Variants in DHX36 observed in about 807,000 individuals in gnomAD.
DHX36 encodes the protein ATP-dependent DNA/RNA helicase DHX36.
In DHX36, 50 loss-of-function variants were observed where a neutral mutation model predicts 139.0. The ratio of observed to expected loss-of-function variants is 0.36; its 90% CI spans 0.29 to 0.46. DHX36 has a LOEUF of 0.46. Among genes scored for constraint, DHX36 ranks in the 20% least tolerant of loss-of-function variants. DHX36 has a pLI of 1.00. For synonymous variants in DHX36, 425 were observed against 401.9 expected (o/e 1.06, Z -0.69); for missense variants, 1,024 against 1,211.3 (o/e 0.85, Z 2.29).
intron 24 of DHX36, 162 bp downstream of exon 24, chr3:154,276,585 C>T (rs1195716055): frequency 1.1e-6 from 1 of 873,580 alleles, no homozygotes; most frequent in Non-Finnish European, 1.7e-6. Flanking sequence ...TCTGTTACCA[C>T]CTCAAAACAC....
intron 1 of DHX36, among the ~76,000 whole-genome samples, chr3:154,321,591 A>G (rs1713186926): frequency 6.6e-6 from 1 of 152,222 alleles, no homozygotes; most frequent in South Asian, 2.1e-4. Flanking sequence ...AGTGCTTAAG[A>G]TACTGTCACA....
chr3:154,293,367 G>A (rs1711900395), intron 14 of DHX36, among the ~76,000 whole-genome samples: 1 of 152,150 alleles, frequency 6.6e-6, no homozygotes, highest in Non-Finnish European at 1.5e-5. Flanking sequence ...ATCATTTTGA[G>A]CCCAGGAGTT....
At chr3:154,288,147 CAA>C (rs34632439) in intron 17 of DHX36, among the ~76,000 whole-genome samples, 15 of 53,362 alleles carry the variant, frequency 2.8e-4, no homozygotes, top group Admixed American at 1.2e-3. Context: ...GACTCTGTCT[CAA>C]AAAAAAAAAA....
Position 154,284,575 on chromosome 3 carries a change from T to C in DHX36, c.2292+8A>G. On this transcript the variant is annotated splice_region_variant and intron_variant, in intron 19 of 24. Coordinates refer to ENST00000496811, the MANE Select transcript of DHX36 (RefSeq NM_020865.3). ...ATCATAATCCAGGACAAAATTTTTTTTTTTTACCTCAAACGCATTCACAAC... is the reference window on the plus strand; with the variant it reads ...ATCATAATCCAGGACAAAATTTTTTCTTTTTACCTCAAACGCATTCACAAC... 6.3e-7 allele frequency: 1 copy of C among 1,590,256 alleles called. No homozygotes were observed. The highest frequency in any genetic ancestry group is 8.5e-7 in the Non-Finnish European group (1 of 1,171,452).
In DHX36 at chr3:154,273,201, A is replaced by G. The variant is rs903583724; in HGVS notation, c.*2970T>C. 1 of 152,114 alleles carries G rather than the reference A, an allele frequency of 6.6e-6. No homozygotes were observed. The highest frequency in any genetic ancestry group is 2.4e-5 in the African/African-American group (1 of 41,418). 9.4% of individuals were successfully genotyped at this position (152,114 alleles called of 1,614,324 possible). On this transcript the variant is annotated 3_prime_UTR_variant, in exon 25 of 25. Transcript: ENST00000496811. ...CAAACAGTTCTTAGACCTGGAATGT[A>G]TTTTCTACTCAGTAATGCCCTATTT...
At chr3:154,306,673 T>C (rs1712513181) in intron 5 of DHX36, among the ~76,000 whole-genome samples, 1 of 152,178 alleles carries the variant, frequency 6.6e-6, no homozygotes, top group Admixed American at 6.5e-5. Context: ...TGTTTTTGTT[T>C]GTGGTAGGGA....
chr3:154,322,859 C>T (rs1026017717), intron 1 of DHX36, among the ~76,000 whole-genome samples: 4 of 152,178 alleles, frequency 2.6e-5, no homozygotes, highest in Admixed American at 6.5e-5. Context: ...GTTACTTAGA[C>T]GTCCGTATCC....
chr3:154,316,735 A>C (rs1305623630), intron 1 of DHX36, among the ~76,000 whole-genome samples: 1 of 152,014 alleles, frequency 6.6e-6, no homozygotes, highest in Non-Finnish European at 1.5e-5. Flanking sequence ...GACTGGACAA[A>C]TATAAAGGTC....
rs375447310 is a variant in DHX36 at position 154,284,927 on chromosome 3, C to T, written c.2092G>A (p.Val698Ile). The change falls in exon 18 of 25, where the codon GTT becomes ATT. Residue 698 changes from valine to isoleucine, a missense_variant. By Grantham distance (29) the Val-to-Ile change is conservative. Transcript: ENST00000496811. ...ATCATTTTTCCAATATGTGGCTCAACGGGTAATCGTGCCAAGTGGACTCCA... is the reference window on the plus strand; with the variant it reads ...ATCATTTTTCCAATATGTGGCTCAATGGGTAATCGTGCCAAGTGGACTCCA... ...PLGVHLARLP[V>I]EPHIGKMILF... The T allele has an allele frequency of 3.1e-6, 5 of 1,614,000 alleles. No individual in the cohort carries two copies. Among genetic ancestry groups the T allele is most frequent in the African/African-American group, 1.3e-5 (1 of 74,898 alleles).
chr3:154,289,288 C>T (rs776759615), intron 16 of DHX36, among the ~76,000 whole-genome samples: 39 of 152,112 alleles, frequency 2.6e-4, no homozygotes, highest in Admixed American at 5.2e-4. Context: ...ATCTTCAAAA[C>T]AAGTCTAACT....
At chr3:154,292,415 T>C (rs1319376713) in intron 15 of DHX36, 136 bp downstream of exon 15, 1 of 1,229,070 alleles carries the variant, frequency 8.1e-7, no homozygotes, top group Non-Finnish European at 1.2e-6. Context: ...CTTTCCTATT[T>C]AAAAATGTTT....
chr3:154,297,611 T>G (rs940705471), intron 12 of DHX36, among the ~76,000 whole-genome samples: 3 of 151,578 alleles, frequency 2.0e-5, no homozygotes, highest in Non-Finnish European at 2.9e-5. Context: ...CTCGGGAGGC[T>G]GAGGCAGGGA....
Position 154,324,431 on chromosome 3 carries a change from AC to A in DHX36, c.-16del. The A allele has an allele frequency of 1.4e-6, 2 of 1,478,086 alleles. No homozygotes were observed. Among genetic ancestry groups the A allele is most frequent in the African/African-American group, 2.8e-5 (2 of 71,140 alleles). 91.6% of individuals were successfully genotyped at this position (1,478,086 alleles called of 1,614,324 possible). A position where few individuals can be genotyped will look rare whatever the true frequency, so the allele number is the denominator to read the frequency against. On this transcript the variant is annotated 5_prime_UTR_variant, in exon 1 of 25. Transcript: ENST00000496811. ...TCATAACTCATTGTCCTGGCAGACT[AC>A]AACCCGTCAGAACCAGCAACCGCTG... is the stretch of plus-strand genomic sequence containing the variant.
chr3:154,285,399 G>C (rs539190753), intron 17 of DHX36, among the ~76,000 whole-genome samples: 29 of 152,200 alleles, frequency 1.9e-4, no homozygotes, highest in African/African-American at 7.0e-4. Context: ...AAAGAAAAAG[G>C]AACTATCTAA....
intron 9 of DHX36, 125 bp downstream of exon 9, chr3:154,303,204 C>T (rs2108353781): frequency 1.5e-6 from 1 of 683,220 alleles, no homozygotes; most frequent in South Asian, 2.2e-5. Flanking sequence ...CCAAGTGTGG[C>T]TAATTCCCAG....
At chr3:154,286,571 A>C (rs1474951839) in intron 17 of DHX36, among the ~76,000 whole-genome samples, 1 of 151,608 alleles carries the variant, frequency 6.6e-6, no homozygotes, top group East Asian at 1.9e-4. Context: ...AATTTTAAAA[A>C]ATCTAAATAA....
In DHX36 at chr3:154,290,402, G is replaced by A. The variant is rs182703039; in HGVS notation, c.1815-576C>T. 1.3e-3 allele frequency among the ~76,000 whole-genome samples: 193 copies of A among 152,072 alleles called. 1 individual carries two copies. Among genetic ancestry groups the A allele is most frequent in the Non-Finnish European group, 4.3e-4 (29 of 67,992 alleles). On this transcript the variant is annotated intron_variant, in intron 15 of 24. Coordinates refer to ENST00000496811, the MANE Select transcript of DHX36 (RefSeq NM_020865.3). ...AGTAATCCCAGCACTCTGGGACGCC[G>A]AGGTGGGTGTATCACCTAAAGTCAG...
intron 1 of DHX36, among the ~76,000 whole-genome samples, chr3:154,316,795 C>A (rs1356431546): frequency 6.7e-6 from 1 of 149,758 alleles, no homozygotes; most frequent in African/African-American, 2.5e-5. Context: ...TAAGAAATGT[C>A]CAAGGTGAAA....
At chr3:154,285,397 AG>A (rs1424122368) in intron 17 of DHX36, among the ~76,000 whole-genome samples, 19 of 152,370 alleles carry the variant, frequency 1.2e-4, no homozygotes, top group African/African-American at 4.1e-4. Flanking sequence ...CAAAAGAAAA[AG>A]GAACTATCTA....
Sources: gnomAD v4.1 joint callset for allele counts (sites outside exome capture counted in the v4.1 genomes callset) on GRCh38, gnomAD v4.1.1 for gene constraint, MANE v1.5 for transcripts, NCBI Gene and HGNC (gene_info 2026-07-23, HGNC 2026-07-21) for gene names.